FHIT: variants seen among roughly 807,000 people sequenced by gnomAD.
The protein encoded by FHIT is fragile histidine triad diadenosine triphosphatase.
Under a neutral mutation model 17.9 loss-of-function variants are expected in FHIT, and 19 were observed. The ratio of observed to expected loss-of-function variants is 1.06; its 90% CI spans 0.74 to 1.56. The LOEUF is 1.56. FHIT is among the 40% of genes most tolerant of loss of function. The pLI is 0.00. For missense variants in FHIT, 248 were observed against 189.2 expected, an observed-to-expected ratio of 1.31 and a Z score of -1.82; for synonymous variants, 81 against 69.7, an observed-to-expected ratio of 1.16 and a Z score of -0.81.
At chr3:60,036,374 C>T (rs1463918290) in intron 5 of FHIT, among the ~76,000 whole-genome samples, 2 of 152,050 alleles carry the variant, frequency 1.3e-5, no homozygotes, top group African/African-American at 4.8e-5. Flanking sequence ...TCTCATGACT[C>T]TCTGAGAACC....
intron 3 of FHIT, among the ~76,000 whole-genome samples, chr3:60,828,019 G>A (rs1399035163): frequency 1.3e-5 from 2 of 152,122 alleles, no homozygotes; most frequent in African/African-American, 4.8e-5. Flanking sequence ...TAAGGACATG[G>A]GTTTGAATCC....
chr3:60,072,593 T>C (rs1024977473), intron 5 of FHIT, among the ~76,000 whole-genome samples: 2 of 152,192 alleles, frequency 1.3e-5, no homozygotes, highest in African/African-American at 2.4e-5. Context: ...GCCACCGTTA[T>C]TGTTCCCATT....
intron 3 of FHIT, among the ~76,000 whole-genome samples, chr3:60,926,253 A>C (rs1559836047): frequency 6.6e-6 from 1 of 152,348 alleles, no homozygotes; most frequent in South Asian, 2.1e-4. Flanking sequence ...CAGAATATAC[A>C]TTCTTTTCAG....
chr3:60,278,187 T>C (rs1348693771), intron 5 of FHIT, among the ~76,000 whole-genome samples: 4 of 152,196 alleles, frequency 2.6e-5, no homozygotes, highest in East Asian at 1.9e-4. Context: ...ACTATACTTT[T>C]CTGAGTTTTA....
intron 8 of FHIT, among the ~76,000 whole-genome samples, chr3:59,915,279 G>A (rs142145802): frequency 6.6e-6 from 1 of 152,298 alleles, no homozygotes; most frequent in East Asian, 1.9e-4. Flanking sequence ...AATGAGAGAG[G>A]ACCACATGGA....
At chr3:61,086,335 T>A (rs2035306336) in intron 2 of FHIT, among the ~76,000 whole-genome samples, 1 of 152,186 alleles carries the variant, frequency 6.6e-6, no homozygotes, top group Non-Finnish European at 1.5e-5. Context: ...CATATGGCTT[T>A]TCTCCTTTTC....
chr3:60,300,641 G>A (rs1185660847), intron 5 of FHIT, among the ~76,000 whole-genome samples: 3 of 152,164 alleles, frequency 2.0e-5, no homozygotes, highest in South Asian at 2.1e-4. Context: ...TAAATAAAGG[G>A]CATGTTATTG....
At chr3:59,957,608 AAT>A (rs1464015809) in intron 7 of FHIT, among the ~76,000 whole-genome samples, 2 of 152,224 alleles carry the variant, frequency 1.3e-5, no homozygotes, top group African/African-American at 2.4e-5. Flanking sequence ...TGATGAATGT[AAT>A]AACATCTCAG....
chr3:60,292,116 C>T (rs891099131), intron 5 of FHIT, among the ~76,000 whole-genome samples: 3 of 152,104 alleles, frequency 2.0e-5, no homozygotes, highest in Admixed American at 2.0e-4. Flanking sequence ...TGGCGCCAAC[C>T]TTGCCAGGTG....
intron 5 of FHIT, among the ~76,000 whole-genome samples, chr3:60,239,604 A>G (rs903093421): frequency 6.6e-6 from 1 of 152,160 alleles, no homozygotes; most frequent in Non-Finnish European, 1.5e-5. Flanking sequence ...GGCATGAAAA[A>G]TAAGTGAAGA....
At chr3:61,057,554 C>A (rs73838003) in intron 2 of FHIT, among the ~76,000 whole-genome samples, 20,520 of 152,092 alleles carry the variant, frequency 0.13, 1,790 homozygotes, top group African/African-American at 0.24. Flanking sequence ...TCAGATATAC[C>A]TAATGACTGT....
intron 3 of FHIT, among the ~76,000 whole-genome samples, chr3:60,940,341 G>A (rs1708356852): frequency 6.7e-6 from 1 of 149,762 alleles, no homozygotes; most frequent in African/African-American, 2.5e-5. Context: ...CAATTTTATA[G>A]AACAAAATCT....
intron 5 of FHIT, among the ~76,000 whole-genome samples, chr3:60,385,195 C>A (rs552398914): frequency 6.6e-6 from 1 of 152,108 alleles, no homozygotes; most frequent in African/African-American, 2.4e-5. Flanking sequence ...AATGTCTATT[C>A]CAGCAGATTA....
chr3:60,828,988 G>C (rs1702221403), intron 3 of FHIT, among the ~76,000 whole-genome samples: 1 of 152,176 alleles, frequency 6.6e-6, no homozygotes, highest in Non-Finnish European at 1.5e-5. Context: ...AGGAGAACAA[G>C]GGATGGAATG....
chr3:61,210,756 G>T (rs2039438100), intron 1 of FHIT, among the ~76,000 whole-genome samples: 1 of 151,880 alleles, frequency 6.6e-6, no homozygotes, highest in Admixed American at 6.6e-5. Flanking sequence ...GCGCTTCCCG[G>T]ATAAGGCAAT....
At chr3:59,792,809 T>G (rs1699619640) in intron 8 of FHIT, among the ~76,000 whole-genome samples, 1 of 149,280 alleles carries the variant, frequency 6.7e-6, no homozygotes, top group Non-Finnish European at 1.5e-5. Context: ...TATTTCTATA[T>G]ATGTTGTTCA....
chr3:60,454,498 C>A (rs1476377173), intron 5 of FHIT, among the ~76,000 whole-genome samples: 1 of 151,864 alleles, frequency 6.6e-6, no homozygotes, highest in African/African-American at 2.4e-5. Context: ...AATTCTCCTG[C>A]CTCAGCCTCT....
intron 5 of FHIT, among the ~76,000 whole-genome samples, chr3:60,046,787 G>C (rs1701671260): frequency 6.6e-6 from 1 of 152,202 alleles, no homozygotes; most frequent in South Asian, 2.1e-4. Flanking sequence ...GGAGAAATAT[G>C]TAAAGAACTC....
chr3:60,489,880 G>A (rs868680450), intron 5 of FHIT, among the ~76,000 whole-genome samples: 5 of 152,034 alleles, frequency 3.3e-5, no homozygotes, highest in South Asian at 2.1e-4. Context: ...GCACTGAACA[G>A]GAGGCTCCAA....
Sources: allele counts gnomAD v4.1 joint callset (sites outside exome capture counted in the v4.1 genomes callset), GRCh38; gene constraint gnomAD v4.1.1; transcripts MANE v1.5; gene names NCBI Gene and HGNC (gene_info 2026-07-23, HGNC 2026-07-21).